The following KIZ variants were observed in gnomAD, a reference collection of about 807,000 sequenced individuals.
KIZ encodes centrosomal protein kizuna.
KIZ carries 68 observed loss-of-function variants against 79.6 expected under a neutral mutation model. The observed-to-expected ratio is 0.85, with a 90% CI of 0.70 to 1.05. The LOEUF is 1.05. KIZ is among the 50% of genes least tolerant of loss of function. The pLI is 0.00. For synonymous variants in KIZ, 280 were observed against 281.8 expected (o/e 0.99, Z 0.06); for missense variants, 797 against 800.4 (o/e 1.00, Z 0.05).
chr20:21,207,647 A>C (rs149328857), intron 7 of KIZ, among the ~76,000 whole-genome samples: 4 of 151,876 alleles, frequency 2.6e-5, no homozygotes, highest in African/African-American at 9.7e-5. Flanking sequence ...CACAGATTTC[A>C]TGCCCCTTTT....
chr20:21,129,000 A>T (rs1266122570), intron 1 of KIZ, among the ~76,000 whole-genome samples: 2 of 152,230 alleles, frequency 1.3e-5, no homozygotes, highest in East Asian at 1.9e-4. Flanking sequence ...GACTGAAAAC[A>T]TGAACTATGG....
At chr20:21,246,085 C>T (rs896064934) in intron 12 of KIZ, 27 of 197,404 alleles carry the variant, frequency 1.4e-4, no homozygotes, top group African/African-American at 6.4e-4. Context: ...CCCTTCTCCT[C>T]TCTGCTCTCA....
chr20:21,130,207 C>G (rs78249318), intron 1 of KIZ, among the ~76,000 whole-genome samples: 2,404 of 152,310 alleles, frequency 0.016, 50 homozygotes, highest in African/African-American at 0.052. Flanking sequence ...CTCAGTCTTT[C>G]CCTGTCTTTC....
intron 6 of KIZ, chr20:21,194,608 T>C (rs1228768242): frequency 6.6e-6 from 1 of 152,190 alleles, no homozygotes. Context: ...GAGTAGATCA[T>C]AAGCTCTGTG....
intron 9 of KIZ, chr20:21,226,313 C>T (rs1388461235): frequency 1.3e-5 from 2 of 152,320 alleles, no homozygotes; most frequent in South Asian, 2.1e-4. Context: ...CTTGGTTGGC[C>T]CTAGAGGCAT....
intron 11 of KIZ, among the ~76,000 whole-genome samples, chr20:21,236,796 A>C (rs2037021100): frequency 6.6e-6 from 1 of 152,064 alleles, no homozygotes; most frequent in African/African-American, 2.4e-5. Flanking sequence ...GGAGTTCAAG[A>C]CCAGCCTGGC....
At chr20:21,233,936 G>A (rs1176288382) in intron 11 of KIZ, among the ~76,000 whole-genome samples, 2 of 152,106 alleles carry the variant, frequency 1.3e-5, no homozygotes, top group Admixed American at 6.5e-5. Flanking sequence ...GAAGTGGGAG[G>A]TAAATGGGAC....
At chr20:21,188,825 A>G (rs1217680359) in intron 6 of KIZ, among the ~76,000 whole-genome samples, 6 of 151,510 alleles carry the variant, frequency 4.0e-5, no homozygotes, top group South Asian at 4.2e-4. Context: ...TCAGCCTCCC[A>G]AGTAGCTGAG....
intron 9 of KIZ, among the ~76,000 whole-genome samples, chr20:21,228,478 T>C (rs148164069): frequency 4.0e-4 from 61 of 152,222 alleles, no homozygotes; most frequent in African/African-American, 1.4e-3. Context: ...TACAAACCCG[T>C]TCTCGCTCCT....
chr20:21,183,157 C>G (rs1405616306), intron 6 of KIZ, among the ~76,000 whole-genome samples: 1 of 152,188 alleles, frequency 6.6e-6, no homozygotes, highest in African/African-American at 2.4e-5. Flanking sequence ...AATCTGGAGA[C>G]AACTCTACCC....
Position 21,244,254 on chromosome 20 carries a change from CAAAA to C in KIZ, c.1892_1895del (p.Lys631ArgfsTer4), listed in dbSNP as rs761635366. 6.3e-7 allele frequency: 1 copy of C among 1,596,494 alleles called. No individual in the cohort carries two copies. The highest frequency in any genetic ancestry group is 8.6e-7 in the Non-Finnish European group (1 of 1,164,736). On this transcript the variant is annotated frameshift_variant, in exon 12 of 13. Transcript: ENST00000619189. LOFTEE classifies it high-confidence loss of function. ...TTTCTTTATTTTGCAGGCATGAAAA[CAAAA>C]AGAAACCCGTGATCAATTTAAAATC...
chr20:21,215,517 A>G (rs1394213946), intron 8 of KIZ, 66 bp from the exon 9 acceptor site: 2 of 915,600 alleles, frequency 2.2e-6, no homozygotes, highest in African/African-American at 1.7e-5. Context: ...AGGGAAGGAC[A>G]AACACCCAAA....
chr20:21,234,452 T>G (rs954888320), intron 11 of KIZ, among the ~76,000 whole-genome samples: 2 of 151,846 alleles, frequency 1.3e-5, no homozygotes, highest in African/African-American at 4.8e-5. Context: ...GTGCGTGGGT[T>G]TGGCGTGCTG....
chr20:21,160,096 A>G (rs2033584383), intron 4 of KIZ, among the ~76,000 whole-genome samples: 1 of 152,196 alleles, frequency 6.6e-6, no homozygotes. Context: ...TTCTCATACC[A>G]GAAGCAGGAC....
At chr20:21,225,892 G>C (rs1393181396) in intron 9 of KIZ, among the ~76,000 whole-genome samples, 1 of 152,198 alleles carries the variant, frequency 6.6e-6, no homozygotes, top group East Asian at 1.9e-4. Flanking sequence ...GTTTGATACA[G>C]ACAGCCCCTT....
chr20:21,144,144 T>C (rs938957819), intron 3 of KIZ: 1 of 152,148 alleles, frequency 6.6e-6, no homozygotes, highest in African/African-American at 2.4e-5. Flanking sequence ...GCAAAATGAA[T>C]TGAATAAAAC....
intron 4 of KIZ, among the ~76,000 whole-genome samples, chr20:21,149,478 G>A (rs867054123): frequency 3.9e-5 from 6 of 152,196 alleles, no homozygotes; most frequent in East Asian, 3.8e-4. Flanking sequence ...CTTACAACTC[G>A]ACTGAAGAAG....
At position 21,162,040 on chromosome 20, in the gene KIZ, A is replaced by T; in HGVS notation, c.575A>T (p.His192Leu). ...PTKNFSIPDPHSHRQTAQSSN... is the reference protein window; with the variant it reads ...PTKNFSIPDPLSHRQTAQSSN... The stretch of plus-strand genomic sequence containing the variant: ...AAGAACTTTTCAATTCCTGACCCAC[A>T]TTCACACCGACAGACAGCCCAGAGC... The change falls in exon 5 of 13, where the codon CAT becomes CTT. Residue 192 changes from histidine (H) to leucine (L), a missense_variant. His to Leu is a moderately conservative substitution (Grantham distance 99, BLOSUM62 -3). Coordinates refer to ENST00000619189, the MANE Select transcript of KIZ (RefSeq NM_018474.6). 1 of 1,613,980 alleles carries T rather than the reference A, an allele frequency of 6.2e-7. No homozygotes were observed. Among genetic ancestry groups the T allele is most frequent in the Non-Finnish European group, 8.5e-7 (1 of 1,179,872 alleles).
intron 9 of KIZ, among the ~76,000 whole-genome samples, chr20:21,224,700 A>T (rs1009134365): frequency 6.6e-6 from 1 of 152,202 alleles, no homozygotes; most frequent in African/African-American, 2.4e-5. Context: ...CAATGGGCAG[A>T]TTCCCTGCCT....
Sources: gnomAD v4.1 joint callset for allele counts (sites outside exome capture counted in the v4.1 genomes callset) on GRCh38, gnomAD v4.1.1 for gene constraint, MANE v1.5 for transcripts, NCBI Gene and HGNC (gene_info 2026-07-23, HGNC 2026-07-21) for gene names.